The following PCSK2 variants were observed in gnomAD, a reference collection of about 807,000 sequenced individuals.
PCSK2 encodes proprotein convertase subtilisin/kexin type 2.
Under a neutral mutation model 69.7 loss-of-function variants are expected in PCSK2, and 14 were observed. That is an observed-to-expected ratio of 0.20 (90% CI 0.13 to 0.31). The LOEUF (loss-of-function observed/expected upper bound fraction) is 0.31. Ranked by LOEUF, PCSK2 falls within the 10% of genes least tolerant of loss-of-function variation. PCSK2 has a pLI of 1.00. For missense variants in PCSK2, 544 were observed against 842.5 expected (o/e 0.65, Z 4.39); for synonymous variants, 307 against 320.7 (o/e 0.96, Z 0.46).
intron 2 of PCSK2, among the ~76,000 whole-genome samples, chr20:17,317,038 G>A (rs1433562597): frequency 6.6e-6 from 1 of 152,134 alleles, no homozygotes; most frequent in Non-Finnish European, 1.5e-5. Context: ...CTTTTTGAGA[G>A]TGCCACATTC....
chr20:17,360,789 T>G, intron 4 of PCSK2, 149 bp downstream of exon 4: 1 of 561,040 alleles, frequency 1.8e-6, no homozygotes, highest in Non-Finnish European at 3.2e-6. Flanking sequence ...GCCCAGATCT[T>G]CACCTTTCTT....
At chr20:17,362,696 G>T (rs934211128) in intron 4 of PCSK2, among the ~76,000 whole-genome samples, 2 of 152,244 alleles carry the variant, frequency 1.3e-5, no homozygotes, top group Non-Finnish European at 1.5e-5. Context: ...CCTGGAATGG[G>T]CACCGGTAAC....
At chr20:17,272,034 A>G (rs1024646377) in intron 2 of PCSK2, among the ~76,000 whole-genome samples, 3 of 152,110 alleles carry the variant, frequency 2.0e-5, no homozygotes, top group Non-Finnish European at 4.4e-5. Context: ...CATAATCCAC[A>G]TTCTCCTTTC....
intron 1 of PCSK2, among the ~76,000 whole-genome samples, chr20:17,253,008 A>G (rs1987045923): frequency 6.6e-6 from 1 of 152,154 alleles, no homozygotes. Flanking sequence ...TTTTATTCTT[A>G]TTTACTTTTC....
At chr20:17,446,720 C>T (rs939253508) in intron 8 of PCSK2, among the ~76,000 whole-genome samples, 7 of 151,988 alleles carry the variant, frequency 4.6e-5, no homozygotes, top group African/African-American at 9.7e-5. Flanking sequence ...TCATGAACTA[C>T]GAGTGCAGAA....
At chr20:17,285,240 C>T (rs569594020) in intron 2 of PCSK2, among the ~76,000 whole-genome samples, 8 of 152,292 alleles carry the variant, frequency 5.3e-5, no homozygotes, top group African/African-American at 1.9e-4. Context: ...TTCAAAGTTA[C>T]TTTTTCTTGT....
intron 2 of PCSK2, among the ~76,000 whole-genome samples, chr20:17,286,912 A>C (rs1246774334): frequency 2.6e-5 from 4 of 152,182 alleles, no homozygotes; most frequent in Admixed American, 2.6e-4. Context: ...TATTTATTTT[A>C]AGGAATTGGC....
chr20:17,246,138 G>A (rs1173752162), intron 1 of PCSK2, among the ~76,000 whole-genome samples: 2 of 152,108 alleles, frequency 1.3e-5, no homozygotes, highest in African/African-American at 4.8e-5. Flanking sequence ...TGCAATCCAG[G>A]CATTCCGAGG....
intron 2 of PCSK2, among the ~76,000 whole-genome samples, chr20:17,284,158 A>G (rs1988428826): frequency 6.6e-6 from 1 of 152,172 alleles, no homozygotes; most frequent in African/African-American, 2.4e-5. Context: ...ATGGCCCAGA[A>G]AGGTATCATT....
At chr20:17,273,628 A>G (rs1406583532) in intron 2 of PCSK2, among the ~76,000 whole-genome samples, 1 of 152,170 alleles carries the variant, frequency 6.6e-6, no homozygotes, top group Admixed American at 6.5e-5. Flanking sequence ...GAATTAAATC[A>G]GTGTTCCTTA....
intron 5 of PCSK2, among the ~76,000 whole-genome samples, chr20:17,391,203 A>C (rs1326856753): frequency 6.6e-6 from 1 of 151,848 alleles, no homozygotes; most frequent in East Asian, 1.9e-4. Flanking sequence ...GAATCAATGC[A>C]TAGTCCTCCC....
At chr20:17,435,546 G>T in intron 7 of PCSK2, among the ~76,000 whole-genome samples, 1 of 152,240 alleles carries the variant, frequency 6.6e-6, no homozygotes, top group South Asian at 2.1e-4. Flanking sequence ...TTCGATTGAC[G>T]TGCTCGCCAT....
chr20:17,355,062 G>C (rs532665698), intron 2 of PCSK2, among the ~76,000 whole-genome samples: 116 of 152,238 alleles, frequency 7.6e-4, no homozygotes, highest in African/African-American at 2.7e-3. Context: ...GTTGCAAGGA[G>C]GCAGTGCCCA....
chr20:17,444,374 C>G (rs1052702412), intron 8 of PCSK2, among the ~76,000 whole-genome samples: 1 of 152,214 alleles, frequency 6.6e-6, no homozygotes, highest in Non-Finnish European at 1.5e-5. Context: ...ACATCACCTA[C>G]CTGACTCCTT....
intron 10 of PCSK2, among the ~76,000 whole-genome samples, chr20:17,461,014 G>A (rs1429079902): frequency 6.6e-6 from 1 of 152,104 alleles, no homozygotes; most frequent in Non-Finnish European, 1.5e-5. Flanking sequence ...GCATTAGGAT[G>A]CCTGTTCCAC....
Position 17,281,996 on chromosome 20 carries a change from G to A in PCSK2, c.282+21652G>A, listed in dbSNP as rs147271689. ...ATTCTTAATCTTTGACCTTCCCAGT[G>A]CCATTCACACAATCCATAACAGTTC... On this transcript the variant is annotated intron_variant, in intron 2 of 11. Transcript: ENST00000262545. 3.4e-3 allele frequency among the ~76,000 whole-genome samples: 516 copies of A among 152,068 alleles called. 4 individuals are homozygous for A. Among genetic ancestry groups the A allele is most frequent in the Non-Finnish European group, 5.3e-3 (363 of 68,000 alleles).
intron 2 of PCSK2, among the ~76,000 whole-genome samples, chr20:17,317,536 C>A (rs1568600318): frequency 1.3e-5 from 2 of 152,166 alleles, no homozygotes; most frequent in Non-Finnish European, 2.9e-5. Context: ...AAATGGGCAA[C>A]TAAATCTTCA....
intron 2 of PCSK2, among the ~76,000 whole-genome samples, chr20:17,278,627 G>C (rs1040039434): frequency 6.6e-6 from 1 of 152,032 alleles, no homozygotes; most frequent in Non-Finnish European, 1.5e-5. Flanking sequence ...GCTAAATGAC[G>C]AGTTAATGGG....
intron 1 of PCSK2, among the ~76,000 whole-genome samples, chr20:17,258,881 G>A (rs531697919): frequency 2.7e-5 from 4 of 149,566 alleles, no homozygotes; most frequent in African/African-American, 9.8e-5. Context: ...TAGGCCTAGA[G>A]GAAAAAAAAC....
Sources: gnomAD v4.1 joint callset for allele counts (sites outside exome capture counted in the v4.1 genomes callset) on GRCh38, gnomAD v4.1.1 for gene constraint, MANE v1.5 for transcripts, NCBI Gene and HGNC (gene_info 2026-07-23, HGNC 2026-07-21) for gene names.